Variants in CELF2 observed in about 807,000 individuals in gnomAD.
CELF2 encodes the protein CUGBP Elav-like family member 2, also known as CUG triplet repeat RNA-binding protein 2.
A neutral mutation model predicts 62.6 loss-of-function variants in CELF2; 8 were observed. The observed-to-expected ratio is 0.13, with a 90% CI of 0.07 to 0.23. CELF2 has a LOEUF of 0.23. Ranked by LOEUF, CELF2 falls within the 10% of genes least tolerant of loss-of-function variation. CELF2 has a pLI of 1.00. For synonymous variants in CELF2, 258 were observed against 250.0 expected, an observed-to-expected ratio of 1.03 and a Z score of -0.30; for missense variants, 333 against 671.0, an observed-to-expected ratio of 0.50 and a Z score of 5.56.
intron 1 of CELF2, among the ~76,000 whole-genome samples, chr10:11,115,384 A>G (rs1183184545): frequency 6.6e-6 from 1 of 152,230 alleles, no homozygotes; most frequent in Admixed American, 6.5e-5. Context: ...AAAAGGGGAA[A>G]GGAAGAACAG....
intron 1 of CELF2, among the ~76,000 whole-genome samples, chr10:10,798,994 C>T (rs1349648800): frequency 2.0e-5 from 3 of 152,166 alleles, no homozygotes; most frequent in African/African-American, 7.2e-5. Flanking sequence ...AAGGAGTGGC[C>T]TGTGAACGTG....
chr10:10,553,592 A>T, the CELF2 span, among the ~76,000 whole-genome samples: 2 of 152,164 alleles, frequency 1.3e-5, no homozygotes, highest in African/African-American at 4.8e-5. Context: ...ACACACAGAG[A>T]GAGGAGATCT....
intron 1 of CELF2, among the ~76,000 whole-genome samples, chr10:11,007,788 C>T (rs1209008744): frequency 6.6e-6 from 1 of 152,154 alleles, no homozygotes; most frequent in Non-Finnish European, 1.5e-5. Flanking sequence ...AAGTAGCCTT[C>T]TGTGCTCCCT....
At chr10:10,498,750 G>C in the CELF2 span, among the ~76,000 whole-genome samples, 15 of 152,200 alleles carry the variant, frequency 9.9e-5, no homozygotes, top group African/African-American at 3.6e-4. Context: ...AAATGAGGAA[G>C]TAGGGATTTG....
chr10:11,214,390 C>A lies in CELF2; in HGVS notation c.272-3035C>A, dbSNP rs899984848. On this transcript the variant is annotated intron_variant, in intron 2 of 12. Transcript: ENST00000633077. This position sits in a 1 kb window ranked among gnomAD's most constrained non-coding sequence, Gnocchi z 4.2. Reference sequence around the variant, plus strand: ...CTAAATGTGAAAAACCAAAAGAAGCCTCTGGGGTTAGTATTCCCAGTCTCC... The same window carrying A: ...CTAAATGTGAAAAACCAAAAGAAGCATCTGGGGTTAGTATTCCCAGTCTCC... Among the ~76,000 whole-genome samples the A allele has an allele frequency of 6.6e-6, 1 of 152,190 alleles. No homozygotes were observed. Among genetic ancestry groups the A allele is most frequent in the African/African-American group, 2.4e-5 (1 of 41,446 alleles).
chr10:10,920,243 A>T (rs77126090), intron 2 of CELF2, among the ~76,000 whole-genome samples: 1 of 152,236 alleles, frequency 6.6e-6, no homozygotes, highest in Non-Finnish European at 1.5e-5. Context: ...TTGAAGTCAT[A>T]TGGTATATTT....
the CELF2 span, among the ~76,000 whole-genome samples, chr10:10,753,792 T>C: frequency 6.6e-6 from 1 of 152,228 alleles, no homozygotes; most frequent in African/African-American, 2.4e-5. Flanking sequence ...CATTGAACTA[T>C]AGAAAAAACA....
chr10:11,202,943 CTCTCTCTCTGTGTG>C lies in CELF2; in HGVS notation c.272-14480_272-14467del, dbSNP rs1222074497. ...TCTCTCTCTCTCTCTCTCTCTCTCT[CTCTCTCTCTGTGTG>C]TGTGTGTGTGTGTGTAATCCAAACA... On this transcript the variant is annotated intron_variant, in intron 2 of 12. Coordinates refer to ENST00000633077, the MANE Select transcript of CELF2 (RefSeq NM_001326342.2). Among the ~76,000 whole-genome samples the C allele has an allele frequency of 9.0e-3, 711 of 79,314 alleles. 13 individuals are homozygous for C. Among genetic ancestry groups the C allele is most frequent in the Middle Eastern group, 0.03 (4 of 132 alleles). 52.0% of individuals were successfully genotyped at this position (79,314 alleles called of 152,430 possible).
intron 1 of CELF2, chr10:11,030,855 T>TCA (rs2059999755): frequency 1.3e-5 from 2 of 152,358 alleles, no homozygotes; most frequent in Non-Finnish European, 2.9e-5. Context: ...GGCAGGAGCA[T>TCA]TGTAAGAGAC....
the CELF2 span, among the ~76,000 whole-genome samples, chr10:10,552,868 G>C: frequency 6.6e-6 from 1 of 152,202 alleles, no homozygotes; most frequent in Non-Finnish European, 1.5e-5. Flanking sequence ...TTGTTCTGGA[G>C]GATGGAATGC....
In CELF2 at chr10:11,011,297, A is replaced by T. The variant is rs1392555205; in HGVS notation, c.53+5857A>T. On this transcript the variant is annotated intron_variant, in intron 1 of 12. Coordinates refer to the CELF2 transcript ENST00000416382. The surrounding 1 kb of genome is among the most constrained non-coding windows in gnomAD (Gnocchi z 4.6). ...AAAGACATAGTCTGGGGCCTCAAGC[A>T]ACTCACAGCACTCATGGAACAAAGA... Among the ~76,000 whole-genome samples the T allele has an allele frequency of 6.6e-6, 1 of 152,076 alleles. No individual in the cohort carries two copies. The highest frequency in any genetic ancestry group is 1.5e-5 in the Non-Finnish European group (1 of 68,024).
At chr10:11,257,039 C>T (rs529444654) in intron 4 of CELF2, among the ~76,000 whole-genome samples, 2 of 152,160 alleles carry the variant, frequency 1.3e-5, no homozygotes, top group South Asian at 4.2e-4. Context: ...GAATCGGCTT[C>T]CTGTTGAGCG....
rs947110315 is a variant in CELF2 at position 11,290,572 on chromosome 10, C to T, written c.976+2020C>T. 6.6e-6 allele frequency among the ~76,000 whole-genome samples: 1 copy of T among 151,566 alleles called. No homozygotes were observed. Among genetic ancestry groups the T allele is most frequent in the Non-Finnish European group, 1.5e-5 (1 of 67,954 alleles). ...CCACTCAGACGGTCTAGGGCGACGG[C>T]CTAGGTGTTAGTCGGAAAGGAATTT... On this transcript the variant is annotated intron_variant, in intron 9 of 12. Transcript: ENST00000633077. This position sits in a 1 kb window ranked among gnomAD's most constrained non-coding sequence, Gnocchi z 4.3.
chr10:10,709,322 GA>G, the CELF2 span, among the ~76,000 whole-genome samples: 1 of 152,162 alleles, frequency 6.6e-6, no homozygotes, highest in Non-Finnish European at 1.5e-5. Context: ...TCTTTCAAAA[GA>G]AATCTCCAGT....
chr10:11,004,371 C>T (rs2054841515), upstream of CELF2, among the ~76,000 whole-genome samples: 1 of 151,952 alleles, frequency 6.6e-6, no homozygotes, highest in Admixed American at 6.6e-5. This position sits in a 1 kb window ranked among gnomAD's most constrained non-coding sequence, Gnocchi z 5.0. Flanking sequence ...CTTTTGATGA[C>T]GGATTGCTCA....
chr10:11,326,005 T>G, intron 12 of CELF2, 26 bp downstream of exon 12: 1 of 1,600,110 alleles, frequency 6.2e-7, no homozygotes, highest in Non-Finnish European at 8.5e-7. Flanking sequence ...TAAGCTAGTA[T>G]ATTGCAGTAG....
At chr10:11,151,053 G>T (rs1410143078) in intron 1 of CELF2, among the ~76,000 whole-genome samples, 1 of 152,190 alleles carries the variant, frequency 6.6e-6, no homozygotes, top group Non-Finnish European at 1.5e-5. Flanking sequence ...GAAGAATGAG[G>T]CTATTTAATT....
intron 1 of CELF2, among the ~76,000 whole-genome samples, chr10:10,910,715 A>AAAG (rs1554878824): frequency 9.4e-5 from 14 of 149,152 alleles, no homozygotes; most frequent in South Asian, 4.2e-4. Context: ...AAAAAAAAAA[A>AAAG]AAAAGAAAAG....
chr10:10,731,402 T>C, the CELF2 span, among the ~76,000 whole-genome samples: 13 of 152,294 alleles, frequency 8.5e-5, no homozygotes, highest in South Asian at 2.1e-4. Context: ...TCTAATATCA[T>C]TGAATGTATG....
Sources: allele counts gnomAD v4.1 joint callset (sites outside exome capture counted in the v4.1 genomes callset), GRCh38; gene constraint gnomAD v4.1.1; non-coding constraint Gnocchi (gnomAD v3.1); transcripts MANE v1.5; gene names NCBI Gene and HGNC (gene_info 2026-07-23, HGNC 2026-07-21).